RAB3D: variants seen among roughly 807,000 people sequenced by gnomAD.
RAB3D encodes ras-related protein Rab-3D.
A neutral mutation model predicts 19.3 loss-of-function variants in RAB3D; 17 were observed. The ratio of observed to expected loss-of-function variants is 0.88; its 90% confidence interval spans 0.60 to 1.32. The LOEUF (loss-of-function observed/expected upper bound fraction) is 1.32, where lower values mean the gene tolerates loss of function less well. Ranked by LOEUF, RAB3D falls within the 40% of genes most tolerant of loss-of-function variation. RAB3D has a pLI of 0.00. For missense variants in RAB3D, 223 were observed against 299.1 expected, an observed-to-expected ratio of 0.75 and a Z score of 1.88; for synonymous variants, 103 against 119.9, an observed-to-expected ratio of 0.86 and a Z score of 0.92.
intron 4 of RAB3D, 95 bp from the exon 5 acceptor site, chr19:11,325,680 G>A: frequency 8.2e-7 from 1 of 1,216,446 alleles, no homozygotes; most frequent in Non-Finnish European, 1.2e-6. Context: ...GCCTAGTTCT[G>A]CTCTTTATCC....
chr19:11,325,281 G>A lies in RAB3D; in HGVS notation c.*117C>T, dbSNP rs1165981992. On this transcript the variant is annotated 3_prime_UTR_variant, in exon 5 of 5. Coordinates refer to ENST00000222120, the MANE Select transcript of RAB3D (RefSeq NM_004283.4). ...GAATGAGCCATGCAGGAGTCGGGGA[G>A]CAGTTGACAGGAGGGAAGGGATTGC... 1.8e-5 allele frequency: 12 copies of A among 672,348 alleles called. No homozygotes were observed. The East Asian group carries it at 3.3e-4, about 19-fold the overall frequency. 41.6% of individuals were successfully genotyped at this position (672,348 alleles called of 1,614,324 possible).
intron 4 of RAB3D, among the ~76,000 whole-genome samples, chr19:11,335,011 C>A (rs897395205): frequency 6.6e-6 from 1 of 152,028 alleles, no homozygotes; most frequent in Non-Finnish European, 1.5e-5. Context: ...AGCGAGACTC[C>A]GTCTCAAAAA....
rs2080850777 is a variant in RAB3D at position 11,335,755 on chromosome 19, G to A, written c.257C>T (p.Thr86Ile). 6.2e-7 allele frequency: 1 copy of A among 1,614,212 alleles called. No homozygotes were observed. The highest frequency in any genetic ancestry group is 8.5e-7 in the Non-Finnish European group (1 of 1,180,038). The change falls in exon 3 of 5, where the codon ACC (threonine) becomes ATC (isoleucine). Residue 86 changes from threonine (T) to isoleucine (I), a missense_variant. Physicochemically the swap from Thr to Ile is moderately conservative, Grantham distance 89. Coordinates refer to ENST00000222120, the MANE Select transcript of RAB3D (RefSeq NM_004283.4). ...WDTAGQERYR[T>I]ITTAYYRGAM... The stretch of plus-strand genomic sequence containing the variant: ...TCCCCGGTAGTAGGCCGTGGTGATG[G>A]TGCGGTAGCGCTCCTGGCCCGCTGT...
At chr19:11,330,180 A>T (rs1342503539) in intron 4 of RAB3D, among the ~76,000 whole-genome samples, 1 of 152,160 alleles carries the variant, frequency 6.6e-6, no homozygotes, top group Non-Finnish European at 1.5e-5. Context: ...AGTTTCTCCA[A>T]CAAAGCAATG....
chr19:11,327,537 T>G (rs2080819821), intron 4 of RAB3D, among the ~76,000 whole-genome samples: 1 of 152,240 alleles, frequency 6.6e-6, no homozygotes, highest in Non-Finnish European at 1.5e-5. Context: ...GAGCTGGGAC[T>G]GCAGGTGTGA....
At position 11,327,891 on chromosome 19, in the gene RAB3D, G is replaced by A. The variant is rs571136266; in HGVS notation, c.473-2306C>T. Among the ~76,000 whole-genome samples, 9 of 152,054 alleles carry A rather than the reference G, an allele frequency of 5.9e-5. No homozygotes were observed. In the East Asian group the frequency reaches 1.7e-3, roughly 29 times the overall value. On this transcript the variant is annotated intron_variant, in intron 4 of 4. Transcript: ENST00000222120. The stretch of plus-strand genomic sequence containing the variant: ...CATTTTTTGGATGTCATTCAATAGA[G>A]AAATTTACTGGAGAAACTAGAAACT...
Position 11,325,285 on chromosome 19 carries a change from T to C in RAB3D, c.*113A>G, listed in dbSNP as rs1052676379. On this transcript the variant is annotated 3_prime_UTR_variant, in exon 5 of 5. Coordinates refer to ENST00000222120, the MANE Select transcript of RAB3D (RefSeq NM_004283.4). ...GAGCCATGCAGGAGTCGGGGAGCAG[T>C]TGACAGGAGGGAAGGGATTGCCCTG... 21 of 691,922 alleles carry C rather than the reference T, an allele frequency of 3.0e-5. No individual in the cohort carries two copies. The highest frequency in any genetic ancestry group is 4.1e-4 in the Middle Eastern group (1 of 2,450). 42.9% of individuals were successfully genotyped at this position (691,922 alleles called of 1,614,324 possible). A position where few individuals can be genotyped will look rare whatever the true frequency, so the allele number is the denominator to read the frequency against.
Position 11,329,478 on chromosome 19 carries a change from A to G in RAB3D, c.473-3893T>C, listed in dbSNP as rs1159019464. ...CAAAAGTAGCCAGGCGTGGTGGCAC[A>G]TGCCTGTAATCCCAGCTGTTCGGGA... is the stretch of plus-strand genomic sequence containing the variant. On this transcript the variant is annotated intron_variant, in intron 4 of 4. Coordinates refer to ENST00000222120, the MANE Select transcript of RAB3D (RefSeq NM_004283.4). Among the ~76,000 whole-genome samples the G allele has an allele frequency of 3.3e-5, 5 of 151,188 alleles. No homozygotes were observed. The East Asian group carries it at 1.0e-3, about 31-fold the overall frequency.
chr19:11,328,932 C>CTT (rs747096753), intron 4 of RAB3D, among the ~76,000 whole-genome samples: 4,642 of 137,664 alleles, frequency 0.034, 261 homozygotes, highest in African/African-American at 0.12. Flanking sequence ...CTTTATTCAT[C>CTT]TTTTTTTTTT....
chr19:11,328,518 G>A lies in RAB3D; in HGVS notation c.473-2933C>T, dbSNP rs143950349. 9.6e-3 allele frequency among the ~76,000 whole-genome samples: 1,450 copies of A among 151,318 alleles called. 26 individuals are homozygous for A. Among genetic ancestry groups the A allele is most frequent in the African/African-American group, 0.033 (1,362 of 41,194 alleles). On this transcript the variant is annotated intron_variant, in intron 4 of 4. Coordinates refer to ENST00000222120, the MANE Select transcript of RAB3D (RefSeq NM_004283.4). ...AAAATTTAGCTTTGTGTGGTGGCACGTGCCTGCAGTCCCAGCTACTCAGGA... is the reference window on the plus strand; with the variant it reads ...AAAATTTAGCTTTGTGTGGTGGCACATGCCTGCAGTCCCAGCTACTCAGGA...
At chr19:11,334,855 G>A (rs572713686) in intron 4 of RAB3D, among the ~76,000 whole-genome samples, 33 of 151,274 alleles carry the variant, frequency 2.2e-4, no homozygotes, top group Admixed American at 1.4e-3. Context: ...CCTGGGAGGT[G>A]GAGGCTGCAG....
At chr19:11,330,694 T>C (rs758163550) in intron 4 of RAB3D, among the ~76,000 whole-genome samples, 21 of 151,856 alleles carry the variant, frequency 1.4e-4, no homozygotes, top group Admixed American at 7.2e-4. Flanking sequence ...GGATTACAGG[T>C]GTGTACCACC....
At chr19:11,333,080 C>CT (rs754729605) in intron 4 of RAB3D, among the ~76,000 whole-genome samples, 6,725 of 137,158 alleles carry the variant, frequency 0.049, 264 homozygotes, top group African/African-American at 0.11. Context: ...AGAAATATTT[C>CT]TTTTTTTTTT....
rs1966906565 is a variant in RAB3D at position 11,337,444 on chromosome 19, G to C, written c.-45C>G. ...GACAGGGAGACCTGAAATCCTCAGG[G>C]AGAGGAGACGGGCGTCCTGCAGGGG... is the stretch of plus-strand genomic sequence containing the variant. On this transcript the variant is annotated 5_prime_UTR_variant, in exon 2 of 5. Coordinates refer to ENST00000222120, the MANE Select transcript of RAB3D (RefSeq NM_004283.4). 1 of 1,526,696 alleles carries C rather than the reference G, an allele frequency of 6.6e-7. No individual in the cohort carries two copies. Among genetic ancestry groups the C allele is most frequent in the South Asian group, 1.1e-5 (1 of 89,284 alleles). 94.6% of individuals were successfully genotyped at this position (1,526,696 alleles called of 1,614,324 possible).
At chr19:11,330,785 T>C (rs1397878039) in intron 4 of RAB3D, among the ~76,000 whole-genome samples, 1 of 151,866 alleles carries the variant, frequency 6.6e-6, no homozygotes, top group African/African-American at 2.4e-5. Flanking sequence ...CTTCTGACCT[T>C]GTGATCCACC....
At chr19:11,332,196 C>A (rs2080837821) in intron 4 of RAB3D, among the ~76,000 whole-genome samples, 1 of 152,052 alleles carries the variant, frequency 6.6e-6, no homozygotes, top group African/African-American at 2.4e-5. Context: ...CCACGACCGG[C>A]TAATTTTGTA....
chr19:11,335,641 G>C lies in RAB3D; in HGVS notation c.347+24C>G, dbSNP rs935079197. On this transcript the variant is annotated intron_variant, in intron 3 of 4. Coordinates refer to ENST00000222120, the MANE Select transcript of RAB3D (RefSeq NM_004283.4). ...GTCAGAGGAGAGGGCAAAGATCAGG[G>C]GTCCATGATCAGCAAGCACTCACCA... The C allele has an allele frequency of 1.9e-6, 3 of 1,613,654 alleles. No homozygotes were observed. In the African/African-American group the frequency reaches 4.0e-5, roughly 22 times the overall value.
chr19:11,332,810 G>A (rs1010355811), intron 4 of RAB3D, among the ~76,000 whole-genome samples: 15 of 151,630 alleles, frequency 9.9e-5, no homozygotes, highest in African/African-American at 3.2e-4. Flanking sequence ...AGTGTAGGCC[G>A]GGACTATAAA....
chr19:11,327,432 C>T (rs555910527), intron 4 of RAB3D, among the ~76,000 whole-genome samples: 83 of 152,232 alleles, frequency 5.5e-4, no homozygotes, highest in African/African-American at 2.0e-3. Context: ...GAGTTTTGCT[C>T]TTGTCGCCCA....
Sources: allele counts gnomAD v4.1 joint callset (sites outside exome capture counted in the v4.1 genomes callset), GRCh38; gene constraint gnomAD v4.1.1; transcripts MANE v1.5; gene names NCBI Gene and HGNC (gene_info 2026-07-23, HGNC 2026-07-21).